SLC35D1: variants seen among roughly 807,000 people sequenced by gnomAD.
The protein encoded by SLC35D1 is solute carrier family 35 member D1.
In SLC35D1, 31 loss-of-function variants were observed where a neutral mutation model predicts 46.7. That is an observed-to-expected ratio of 0.66 (90% confidence interval 0.50 to 0.90). SLC35D1 has a LOEUF of 0.90. Ranked by LOEUF, SLC35D1 falls within the 40% of genes least tolerant of loss-of-function variation. The pLI, the probability that SLC35D1 is intolerant of heterozygous loss-of-function variation, is 0.00. For synonymous variants in SLC35D1, 195 were observed against 164.6 expected (o/e 1.18, Z -1.41); for missense variants, 397 against 426.2 (o/e 0.93, Z 0.60).
chr1:67,027,092 C>T (rs561167515), intron 8 of SLC35D1, among the ~76,000 whole-genome samples: 8 of 152,122 alleles, frequency 5.3e-5, no homozygotes, highest in Non-Finnish European at 1.2e-4. Flanking sequence ...CATACATTAC[C>T]TATTTCTTCT....
At chr1:67,053,303 A>AC (rs1330117562) in intron 1 of SLC35D1, among the ~76,000 whole-genome samples, 1 of 151,570 alleles carries the variant, frequency 6.6e-6, no homozygotes, top group East Asian at 1.9e-4. Flanking sequence ...TAAAAAAAAA[A>AC]ACAACCAACT....
chr1:67,000,734 C>T lies in SLC35D1; in HGVS notation c.*3606G>A, dbSNP rs886743269. Reference sequence around the variant, plus strand: ...TCCTCAGGGAGAGAAAAATCAATTACAGTCTTGTTCATAGGAAAAACCAAA... The same window carrying T: ...TCCTCAGGGAGAGAAAAATCAATTATAGTCTTGTTCATAGGAAAAACCAAA... On this transcript the variant is annotated 3_prime_UTR_variant, in exon 12 of 12. Transcript: ENST00000235345. 6.6e-6 allele frequency: 1 copy of T among 152,286 alleles called. No homozygotes were observed. The highest frequency in any genetic ancestry group is 1.5e-5 in the Non-Finnish European group (1 of 68,042). 9.4% of individuals were successfully genotyped at this position (152,286 alleles called of 1,614,324 possible). A position where few individuals can be genotyped will look rare whatever the true frequency, so the allele number is the denominator to read the frequency against.
the SLC35D1 span, among the ~76,000 whole-genome samples, chr1:66,979,993 A>C: frequency 6.6e-6 from 1 of 151,752 alleles, no homozygotes; most frequent in Non-Finnish European, 1.5e-5. Context: ...CAAACTCCCA[A>C]CCTCAGGTGA....
rs1485449864 is a variant in SLC35D1 at position 67,053,760 on chromosome 1, C to T, written c.203+51G>A. ...CCAGGGAGCCGGCGCCGCGCCGCCG[C>T]CGCCGCCCGCTCCTCCTCCGCGGCC... is the stretch of plus-strand genomic sequence containing the variant. On this transcript the variant is annotated intron_variant, in intron 1 of 11. Coordinates refer to ENST00000235345, the MANE Select transcript of SLC35D1 (RefSeq NM_015139.3). 3.5e-6 allele frequency: 5 copies of T among 1,426,838 alleles called. No individual in the cohort carries two copies. In the Admixed American group the frequency reaches 1.7e-4, roughly 48 times the overall value. The allele number at this position is 1,426,838 out of a possible 1,614,324, so 88.4% of individuals were successfully genotyped here.
intron 8 of SLC35D1, among the ~76,000 whole-genome samples, chr1:67,023,604 G>T (rs1272520562): frequency 1.3e-5 from 2 of 150,600 alleles, no homozygotes; most frequent in African/African-American, 2.4e-5. Context: ...TCCTTCCTCC[G>T]CCTCCCGGGT....
In SLC35D1 at chr1:67,021,574, G is replaced by C; in HGVS notation, c.758C>G (p.Thr253Ser). The change falls in exon 9 of 12, where the codon ACC becomes AGC. Residue 253 changes from threonine to serine, a missense_variant. Coordinates refer to ENST00000235345, the MANE Select transcript of SLC35D1 (RefSeq NM_015139.3). The stretch of plus-strand genomic sequence containing the variant: ...GAGGGTGAACTGCAGAAGAAAGAGG[G>C]TGTCAGCCCAGCCTTCAAACTCCAC... The part of the protein sequence containing the change: ...KAVEFEGWAD[T>S]LFLLQFTLSC... The C allele has an allele frequency of 6.2e-7, 1 of 1,613,950 alleles. No individual in the cohort carries two copies. Among genetic ancestry groups the C allele is most frequent in the South Asian group, 1.1e-5 (1 of 91,076 alleles).
At chr1:67,034,784 T>C (rs1272132070) in intron 8 of SLC35D1, among the ~76,000 whole-genome samples, 1 of 152,210 alleles carries the variant, frequency 6.6e-6, no homozygotes, top group Non-Finnish European at 1.5e-5. Context: ...GCTTTCCATT[T>C]TTCCCTATTC....
the SLC35D1 span, chr1:66,988,578 A>G: frequency 6.6e-6 from 1 of 152,104 alleles, no homozygotes; most frequent in Admixed American, 6.5e-5. Context: ...AGTATAAAGA[A>G]TTATAGAATG....
the SLC35D1 span, chr1:66,986,727 G>A: frequency 2.8e-6 from 1 of 357,142 alleles, no homozygotes; most frequent in Non-Finnish European, 5.0e-6. Context: ...AGTTTTGGGT[G>A]GAAGTGTTGA....
chr1:66,986,054 A>G, the SLC35D1 span: 1 of 1,012,060 alleles, frequency 9.9e-7, no homozygotes, highest in Non-Finnish European at 1.2e-6. Flanking sequence ...AAATAAACAG[A>G]GGAGGGGGGT....
intron 8 of SLC35D1, among the ~76,000 whole-genome samples, chr1:67,030,392 G>A (rs1667993831): frequency 6.6e-6 from 1 of 152,094 alleles, no homozygotes; most frequent in African/African-American, 2.4e-5. Flanking sequence ...TAAGAATACA[G>A]AATAAGTTGT....
chr1:67,023,648 G>C (rs1667857892), intron 8 of SLC35D1, among the ~76,000 whole-genome samples: 1 of 151,792 alleles, frequency 6.6e-6, no homozygotes, highest in Admixed American at 6.6e-5. Flanking sequence ...ACCACACCCG[G>C]CTAATTTTTG....
At chr1:67,032,176 C>T in intron 8 of SLC35D1, 1 of 744,872 alleles carries the variant, frequency 1.3e-6, no homozygotes, top group Non-Finnish European at 1.6e-6. Context: ...GTCTTTAGCG[C>T]TACAGGTGCC....
the SLC35D1 span, chr1:66,986,332 T>C: frequency 6.4e-7 from 1 of 1,559,970 alleles, no homozygotes; most frequent in Non-Finnish European, 8.6e-7. Context: ...AATGTAGTTT[T>C]ATATAGCTGA....
the SLC35D1 span, chr1:66,984,540 T>C: frequency 6.7e-7 from 1 of 1,488,832 alleles, no homozygotes; most frequent in Non-Finnish European, 9.1e-7. Flanking sequence ...TTTTTTCTAA[T>C]TGTGGTTTCA....
downstream of SLC35D1, among the ~76,000 whole-genome samples, chr1:66,997,548 G>GATAT (rs1558144798): frequency 7.4e-5 from 6 of 81,132 alleles, no homozygotes; most frequent in East Asian, 2.7e-3. Flanking sequence ...AACCCCTTTA[G>GATAT]ATATAGATAT....
chr1:66,990,373 G>A, the SLC35D1 span, among the ~76,000 whole-genome samples: 1 of 152,108 alleles, frequency 6.6e-6, no homozygotes, highest in African/African-American at 2.4e-5. Context: ...CTCTCTGACT[G>A]AAGGGAATCC....
chr1:66,985,577 T>C, the SLC35D1 span: 1 of 985,384 alleles, frequency 1.0e-6, no homozygotes, highest in Non-Finnish European at 1.2e-6. Flanking sequence ...TTGTAGCCTT[T>C]GAAAGATTTT....
chr1:66,975,474 C>T, the SLC35D1 span, among the ~76,000 whole-genome samples: 1 of 151,650 alleles, frequency 6.6e-6, no homozygotes, highest in African/African-American at 2.4e-5. Flanking sequence ...CTGCAGTTAG[C>T]GGTTTGGTGC....
Sources: gnomAD v4.1 joint callset for allele counts (sites outside exome capture counted in the v4.1 genomes callset) on GRCh38, gnomAD v4.1.1 for gene constraint, MANE v1.5 for transcripts, NCBI Gene and HGNC (gene_info 2026-07-23, HGNC 2026-07-21) for gene names.